The following SLC16A12 variants were observed in gnomAD, a reference collection of about 807,000 sequenced individuals.
The protein encoded by SLC16A12 is monocarboxylate transporter 12.
SLC16A12 carries 17 observed loss-of-function variants against 42.4 expected under a neutral mutation model. The ratio of observed to expected loss-of-function variants is 0.40; its 90% CI spans 0.27 to 0.60. SLC16A12 has a LOEUF of 0.60. Ranked by LOEUF, SLC16A12 falls within the 20% of genes least tolerant of loss-of-function variation. SLC16A12 has a pLI of 0.42. For missense variants in SLC16A12, 544 were observed against 623.0 expected (o/e 0.87, Z 1.35); for synonymous variants, 224 against 229.4 (o/e 0.98, Z 0.21).
At chr10:89,550,258 C>T (rs1843762581) in intron 2 of SLC16A12, among the ~76,000 whole-genome samples, 1 of 152,214 alleles carries the variant, frequency 6.6e-6, no homozygotes, top group Non-Finnish European at 1.5e-5. Flanking sequence ...CGGTGGCTCA[C>T]ACCTGTAATC....
At chr10:89,512,181 G>T (rs1843171925) in intron 2 of SLC16A12, among the ~76,000 whole-genome samples, 1 of 152,188 alleles carries the variant, frequency 6.6e-6, no homozygotes, top group East Asian at 1.9e-4. Context: ...TATTTAATGG[G>T]CACAGAGTTT....
rs1843808968 is a variant in SLC16A12, at chr10:89,555,596, CACATATAT to C, written c.-47+278_-47+285del. On this transcript the variant is annotated intron_variant, in intron 2 of 2. Transcript: ENST00000475682. Reference sequence around the variant, plus strand: ...ATGTATATGTATATATGTATATATACACATATATACATATATATACAGATATGTATATA... The same window carrying C: ...ATGTATATGTATATATGTATATATACACATATATATACAGATATGTATATA... Among the ~76,000 whole-genome samples the C allele has an allele frequency of 2.2e-5, 3 of 135,336 alleles. No homozygotes were observed. The Admixed American group carries it at 2.3e-4, about 10-fold the overall frequency. 88.8% of individuals were successfully genotyped at this position (135,336 alleles called of 152,430 possible).
intron 2 of SLC16A12, among the ~76,000 whole-genome samples, chr10:89,486,796 C>G (rs761397482): frequency 7.9e-5 from 12 of 151,840 alleles, no homozygotes; most frequent in Non-Finnish European, 1.5e-4. Flanking sequence ...AAGGGATGTC[C>G]TGGATACCTT....
intron 2 of SLC16A12, among the ~76,000 whole-genome samples, chr10:89,505,646 G>A (rs906990046): frequency 3.3e-5 from 5 of 152,150 alleles, no homozygotes; most frequent in African/African-American, 1.2e-4. Flanking sequence ...GAAGCTCAAC[G>A]GGTCAGGGGA....
At chr10:89,466,734 C>T (rs1388065513) in intron 2 of SLC16A12, among the ~76,000 whole-genome samples, 1 of 152,172 alleles carries the variant, frequency 6.6e-6, no homozygotes, top group Non-Finnish European at 1.5e-5. Context: ...ACAAGTCCTG[C>T]ACTTCCCCTT....
upstream of SLC16A12, among the ~76,000 whole-genome samples, chr10:89,536,834 A>AATT (rs965450312): frequency 1.9e-4 from 29 of 151,840 alleles, no homozygotes; most frequent in African/African-American, 4.6e-4. Flanking sequence ...GGCTTTTTGG[A>AATT]ATTATTATTA....
At chr10:89,466,089 C>T (rs1842392056) in intron 2 of SLC16A12, among the ~76,000 whole-genome samples, 1 of 152,128 alleles carries the variant, frequency 6.6e-6, no homozygotes, top group South Asian at 2.1e-4. Context: ...TATATGAATT[C>T]AAGCAAATTA....
rs996206008 is a variant in SLC16A12, at chr10:89,431,590, G to C, written c.*1474C>G. The C allele has an allele frequency of 5.9e-5, 9 of 152,146 alleles. No homozygotes were observed. The highest frequency in any genetic ancestry group is 1.7e-4 in the African/African-American group (7 of 41,418). The allele number at this position is 152,146 out of a possible 1,614,324, so 9.4% of individuals were successfully genotyped here. A position where few individuals can be genotyped will look rare whatever the true frequency, so the allele number is the denominator to read the frequency against. ...CCCCAGCACTTGTGAGGCCTTGTAG[G>C]GGACAGTGGATTAAATAGCCTTCAG... On this transcript the variant is annotated 3_prime_UTR_variant, in exon 8 of 8. Coordinates refer to ENST00000371790, the MANE Select transcript of SLC16A12 (RefSeq NM_213606.4).
At chr10:89,438,172 TTTTTGTACTACCTGTG>T (rs1841835175) in intron 6 of SLC16A12, among the ~76,000 whole-genome samples, 1 of 140,014 alleles carries the variant, frequency 7.1e-6, no homozygotes, top group Non-Finnish European at 1.6e-5. Flanking sequence ...CCATGACATC[TTTTTGTACTACCTGTG>T]AATTAAGAAC....
At chr10:89,556,389 C>G in intron 1 of SLC16A12, 1 of 152,206 alleles carries the variant, frequency 6.6e-6, no homozygotes, top group East Asian at 1.9e-4. Flanking sequence ...ATCTCTCTAT[C>G]TCTCTGTCTG....
chr10:89,554,214 C>T (rs796419181), intron 2 of SLC16A12, among the ~76,000 whole-genome samples: 8 of 152,200 alleles, frequency 5.3e-5, no homozygotes, highest in South Asian at 4.1e-4. Flanking sequence ...AAAATCAACA[C>T]CTGACTTCCC....
intron 2 of SLC16A12, among the ~76,000 whole-genome samples, chr10:89,547,474 T>A (rs147685312): frequency 2.5e-3 from 385 of 152,324 alleles, no homozygotes; most frequent in African/African-American, 7.4e-3. Flanking sequence ...GAGTATCTAG[T>A]CTGTATAGGC....
intron 2 of SLC16A12, among the ~76,000 whole-genome samples, chr10:89,501,053 A>G (rs1037295007): frequency 4.6e-5 from 7 of 152,116 alleles, no homozygotes; most frequent in Middle Eastern, 3.2e-3. Context: ...TAGCTGCAAA[A>G]ACAAAAAACA....
intron 2 of SLC16A12, among the ~76,000 whole-genome samples, chr10:89,530,518 T>A (rs539839474): frequency 6.6e-6 from 1 of 151,754 alleles, no homozygotes; most frequent in Non-Finnish European, 1.5e-5. Context: ...CCTGGGTTCA[T>A]GCCATTCTCC....
At chr10:89,482,022 G>T (rs1433051073) in intron 2 of SLC16A12, among the ~76,000 whole-genome samples, 2 of 152,174 alleles carry the variant, frequency 1.3e-5, no homozygotes, top group South Asian at 2.1e-4. Flanking sequence ...CATGAGTTAC[G>T]CTGAATAGTT....
At chr10:89,441,389 G>A (rs1841909045) in intron 4 of SLC16A12, 138 bp from the exon 5 acceptor site, 1 of 1,058,122 alleles carries the variant, frequency 9.5e-7, no homozygotes. Context: ...GGAAACTGAG[G>A]CCCAGAGAAA....
intron 2 of SLC16A12, among the ~76,000 whole-genome samples, chr10:89,511,579 G>A (rs545107968): frequency 1.4e-4 from 22 of 152,234 alleles, no homozygotes; most frequent in African/African-American, 4.1e-4. Flanking sequence ...AGGGCCTGTC[G>A]GAGGGTGGAG....
chr10:89,450,359 C>T (rs1842074602), intron 3 of SLC16A12, among the ~76,000 whole-genome samples: 1 of 152,168 alleles, frequency 6.6e-6, no homozygotes, highest in African/African-American at 2.4e-5. Context: ...TGGAACCAAG[C>T]CAAATGTCCA....
At chr10:89,477,261 T>A (rs758968299) in intron 2 of SLC16A12, among the ~76,000 whole-genome samples, 2 of 152,148 alleles carry the variant, frequency 1.3e-5, no homozygotes, top group Non-Finnish European at 1.5e-5. Flanking sequence ...GAGTACAGTC[T>A]GTACATTTAA....
Sources: allele counts gnomAD v4.1 joint callset (sites outside exome capture counted in the v4.1 genomes callset), GRCh38; gene constraint gnomAD v4.1.1; transcripts MANE v1.5; gene names NCBI Gene and HGNC (gene_info 2026-07-23, HGNC 2026-07-21).